Variants in ALK observed in about 807,000 individuals in gnomAD.
The protein encoded by ALK is ALK receptor tyrosine kinase, also known as ALK tyrosine kinase receptor.
Under a neutral mutation model 163.1 loss-of-function variants are expected in ALK, and 74 were observed. That is an observed-to-expected ratio of 0.45 (90% CI 0.38 to 0.55). The LOEUF is 0.55. Ranked by LOEUF, ALK falls within the 20% of genes least tolerant of loss-of-function variation. The probability of loss-of-function intolerance (pLI) is 0.00; values close to 1 mark genes in which losing one functional copy is unlikely to be tolerated. For synonymous variants in ALK, 960 were observed against 843.2 expected (o/e 1.14, Z -2.40); for missense variants, 2,063 against 2,105.3 (o/e 0.98, Z 0.39).
At chr2:29,344,584 C>A (rs1390947125) in intron 5 of ALK, among the ~76,000 whole-genome samples, 1 of 152,216 alleles carries the variant, frequency 6.6e-6, no homozygotes, top group African/African-American at 2.4e-5. Context: ...ATCCTGGAGC[C>A]CACACACCTC....
chr2:29,232,712 T>C (rs1664250863), intron 14 of ALK, among the ~76,000 whole-genome samples: 1 of 151,944 alleles, frequency 6.6e-6, no homozygotes, highest in Non-Finnish European at 1.5e-5. Flanking sequence ...GAGGTGGGGG[T>C]TGATCTTAGA....
At position 29,737,577 on chromosome 2, in the gene ALK, G is replaced by C. The variant is rs549297320; in HGVS notation, c.668-19880C>G. Among the ~76,000 whole-genome samples, 61 of 152,118 alleles carry C rather than the reference G, an allele frequency of 4.0e-4. 1 individual carries two copies. The highest frequency in any genetic ancestry group is 1.1e-3 in the African/African-American group (46 of 41,410). On this transcript the variant is annotated intron_variant, in intron 1 of 28. Transcript: ENST00000389048. ...CTATGGGCAGCAGTGACTGCTCTGG[G>C]CTCCACAGTGGGCAAAGCACAGTGA...
intron 1 of ALK, among the ~76,000 whole-genome samples, chr2:29,837,959 G>C (rs1279719503): frequency 6.6e-6 from 1 of 152,066 alleles, no homozygotes; most frequent in Non-Finnish European, 1.5e-5. Flanking sequence ...ATATTTAAGG[G>C]AAAATATGAA....
chr2:29,251,045 G>C (rs1664801100), intron 12 of ALK, 60 bp downstream of exon 12: 1 of 1,570,380 alleles, frequency 6.4e-7, no homozygotes, highest in Non-Finnish European at 8.7e-7. Context: ...CCATAGGCAA[G>C]ACTCCAGGCT....
intron 5 of ALK, among the ~76,000 whole-genome samples, chr2:29,374,693 G>A (rs1343292012): frequency 1.3e-5 from 2 of 152,224 alleles, no homozygotes; most frequent in Non-Finnish European, 2.9e-5. Context: ...ACCAAAGCTT[G>A]AGCTGGGGAG....
chr2:29,616,234 G>T (rs1675842101), intron 3 of ALK, among the ~76,000 whole-genome samples: 1 of 152,228 alleles, frequency 6.6e-6, no homozygotes, highest in East Asian at 1.9e-4. Flanking sequence ...TGGCCTGTGA[G>T]TTGGGATTTG....
chr2:29,391,644 T>C (rs1398969389), intron 4 of ALK, among the ~76,000 whole-genome samples: 1 of 152,092 alleles, frequency 6.6e-6, no homozygotes, highest in African/African-American at 2.4e-5. Flanking sequence ...TTCCCCTTTT[T>C]TTCTCTCCTC....
intron 1 of ALK, among the ~76,000 whole-genome samples, chr2:29,877,085 G>A (rs546711292): frequency 2.3e-4 from 35 of 152,300 alleles, no homozygotes; most frequent in Middle Eastern, 3.4e-3. Context: ...GAGGTTCAAC[G>A]AAGTAATTTT....
chr2:29,478,813 C>G (rs1474498083), intron 4 of ALK, among the ~76,000 whole-genome samples: 1 of 152,100 alleles, frequency 6.6e-6, no homozygotes, highest in Non-Finnish European at 1.5e-5. Context: ...TCAGGGAGAA[C>G]AAGTGTGTCC....
At chr2:29,851,502 A>T (rs1023160704) in intron 1 of ALK, among the ~76,000 whole-genome samples, 1 of 152,090 alleles carries the variant, frequency 6.6e-6, no homozygotes, top group Non-Finnish European at 1.5e-5. Context: ...TATTAAAGTC[A>T]TTTTCTCAGG....
At chr2:29,760,224 T>C (rs2631943) in intron 1 of ALK, among the ~76,000 whole-genome samples, 131,373 of 152,130 alleles carry the variant, frequency 0.86, 56,956 homozygotes, top group Non-Finnish European at 0.91. Context: ...CATCCCTATA[T>C]ACACACTTCC....
chr2:29,820,669 A>G (rs1414297434), intron 1 of ALK, among the ~76,000 whole-genome samples: 1 of 152,246 alleles, frequency 6.6e-6, no homozygotes, highest in African/African-American at 2.4e-5. Flanking sequence ...TTGTCTTCTT[A>G]GTACACTTAC....
In ALK at chr2:29,288,912, A is replaced by G. The variant is rs549200947; in HGVS notation, c.1817+7976T>C. ...GGTTGCAATGAGCTGAGATGGTGCCACTGCACTCCAGCCTGGGCGACAGAG... is the reference window on the plus strand; with the variant it reads ...GGTTGCAATGAGCTGAGATGGTGCCGCTGCACTCCAGCCTGGGCGACAGAG... On this transcript the variant is annotated intron_variant, in intron 9 of 28. Transcript: ENST00000389048. Among the ~76,000 whole-genome samples, 12 of 145,452 alleles carry G rather than the reference A, an allele frequency of 8.3e-5. No individual in the cohort carries two copies. In the East Asian group the frequency reaches 1.6e-3, roughly 20 times the overall value.
intron 1 of ALK, among the ~76,000 whole-genome samples, chr2:29,784,999 C>T (rs978401018): frequency 7.2e-5 from 11 of 151,860 alleles, no homozygotes; most frequent in African/African-American, 9.7e-5. Flanking sequence ...AGGATCAAGT[C>T]GAGCTGCCCT....
chr2:29,217,034 T>TG (rs1433689910), intron 23 of ALK, among the ~76,000 whole-genome samples: 20 of 141,464 alleles, frequency 1.4e-4, no homozygotes, highest in African/African-American at 5.4e-4. Flanking sequence ...GGTATGTGTC[T>TG]GGGGGCATGT....
chr2:29,617,648 A>AC (rs928057718), intron 3 of ALK, among the ~76,000 whole-genome samples: 5 of 151,762 alleles, frequency 3.3e-5, no homozygotes, highest in African/African-American at 1.2e-4. Context: ...TTAGCAAGAA[A>AC]CCCCCCTTCC....
chr2:29,443,284 A>G (rs536423642), intron 4 of ALK, among the ~76,000 whole-genome samples: 26 of 152,166 alleles, frequency 1.7e-4, no homozygotes, highest in Admixed American at 6.5e-5. Context: ...CAAACCTCCC[A>G]GAGAGTATCT....
intron 1 of ALK, among the ~76,000 whole-genome samples, chr2:29,895,644 T>C (rs1667250415): frequency 1.3e-5 from 2 of 152,228 alleles, no homozygotes; most frequent in Admixed American, 6.5e-5. Flanking sequence ...TAGTTTATTA[T>C]TTTATTCCTT....
At chr2:29,468,659 G>A (rs541023460) in intron 4 of ALK, among the ~76,000 whole-genome samples, 58 of 151,894 alleles carry the variant, frequency 3.8e-4, no homozygotes, top group African/African-American at 1.4e-3. Context: ...GACCAGACTG[G>A]CCAAAATAGT....
Sources: gnomAD v4.1 joint callset for allele counts (sites outside exome capture counted in the v4.1 genomes callset) on GRCh38, gnomAD v4.1.1 for gene constraint, MANE v1.5 for transcripts, NCBI Gene and HGNC (gene_info 2026-07-23, HGNC 2026-07-21) for gene names.